TRMT1L: variants seen among roughly 807,000 people sequenced by gnomAD.
TRMT1L encodes tRNA methyltransferase 1L, also known as tRNA (guanine(27)-N(2))-dimethyltransferase.
Under a neutral mutation model 81.6 loss-of-function variants are expected in TRMT1L, and 28 were observed. The observed-to-expected ratio is 0.34, with a 90% CI of 0.25 to 0.47. TRMT1L has a LOEUF of 0.47. Ranked by LOEUF, TRMT1L falls within the 20% of genes least tolerant of loss-of-function variation. The pLI, the probability that TRMT1L is intolerant of heterozygous loss-of-function variation, is 1.00. For synonymous variants in TRMT1L, 301 were observed against 303.2 expected, an observed-to-expected ratio of 0.99 and a Z score of 0.07; for missense variants, 739 against 877.1, an observed-to-expected ratio of 0.84 and a Z score of 1.99.
chr1:185,124,821 A>T lies in TRMT1L; in HGVS notation c.1759+123T>A, dbSNP rs561844404. On this transcript the variant is annotated intron_variant, in intron 12 of 14. Transcript: ENST00000367506. ...CAGAGGATCAGACTCATTAGAGAAGATTTACTAAAAACACACTATTTATAA... is the reference window on the plus strand; with the variant it reads ...CAGAGGATCAGACTCATTAGAGAAGTTTTACTAAAAACACACTATTTATAA... 9.5e-5 allele frequency: 90 copies of T among 942,518 alleles called. No homozygotes were observed. The African/African-American group carries it at 1.5e-3, about 15-fold the overall frequency. The allele number at this position is 942,518 out of a possible 1,614,324, so 58.4% of individuals were successfully genotyped here.
At chr1:185,133,932 T>C (rs1416411827) in intron 10 of TRMT1L, among the ~76,000 whole-genome samples, 1 of 152,182 alleles carries the variant, frequency 6.6e-6, no homozygotes, top group East Asian at 1.9e-4. Context: ...ACAATATTTA[T>C]CTATTTATAA....
At chr1:185,128,599 A>C in intron 11 of TRMT1L, 70 bp downstream of exon 11, 2 of 1,423,836 alleles carry the variant, frequency 1.4e-6, no homozygotes, top group Admixed American at 1.7e-5. Context: ...ACCACACATA[A>C]TAAAAATCAG....
chr1:185,133,825 T>C (rs1208600630), intron 10 of TRMT1L, among the ~76,000 whole-genome samples: 1 of 152,150 alleles, frequency 6.6e-6, no homozygotes, highest in African/African-American at 2.4e-5. Flanking sequence ...GCTTAGATTC[T>C]CAACTCATAG....
intron 10 of TRMT1L, among the ~76,000 whole-genome samples, chr1:185,131,643 C>A (rs1000010247): frequency 4.0e-5 from 6 of 150,192 alleles, no homozygotes; most frequent in Non-Finnish European, 8.9e-5. Context: ...TAGAAATGAA[C>A]AAAATATGAC....
chr1:185,154,528 A>G (rs923956100), intron 1 of TRMT1L, among the ~76,000 whole-genome samples: 1 of 152,232 alleles, frequency 6.6e-6, no homozygotes, highest in African/African-American at 2.4e-5. Flanking sequence ...CATGTGTACA[A>G]ACTAACCTAT....
chr1:185,143,296 A>T (rs1349087304), intron 7 of TRMT1L, 61 bp downstream of exon 7: 3 of 1,443,554 alleles, frequency 2.1e-6, no homozygotes, highest in African/African-American at 2.9e-5. Flanking sequence ...ATATTTTCTA[A>T]GAAAAAATAC....
chr1:185,143,772 GA>G, intron 6 of TRMT1L, 133 bp downstream of exon 6: 1 of 799,516 alleles, frequency 1.3e-6, no homozygotes, highest in Non-Finnish European at 1.8e-6. Flanking sequence ...ATTCTTCTGA[GA>G]AAAATGTTAA....
intron 3 of TRMT1L, among the ~76,000 whole-genome samples, chr1:185,148,324 A>C (rs191934208): frequency 4.6e-4 from 70 of 152,150 alleles, no homozygotes; most frequent in African/African-American, 1.7e-3. Flanking sequence ...CTTCTTTCCC[A>C]CACTTGGTCC....
Position 185,140,193 on chromosome 1 carries a change from G to A in TRMT1L, c.889C>T (p.Leu297Phe), listed in dbSNP as rs775237107. 1.2e-6 allele frequency: 2 copies of A among 1,613,584 alleles called. No homozygotes were observed. The highest frequency in any genetic ancestry group is 1.1e-5 in the South Asian group (1 of 91,068). ...GIMGLQWAKH[L>F]GNAVKVTIND... Reference sequence around the variant, plus strand: ...ATTGTAACTTTGACTGCATTTCCAAGATGTTTTGCCCACTGTAATCCCATT... The same window carrying A: ...ATTGTAACTTTGACTGCATTTCCAAAATGTTTTGCCCACTGTAATCCCATT... Residue 297 changes from leucine to phenylalanine, a missense_variant, in exon 8 of 15, where the codon CTT becomes TTT. By Grantham distance (22) the Leu-to-Phe change is conservative. Coordinates refer to ENST00000367506, the MANE Select transcript of TRMT1L (RefSeq NM_030934.5).
chr1:185,122,248 C>T (rs771322273), intron 13 of TRMT1L, among the ~76,000 whole-genome samples: 3 of 152,222 alleles, frequency 2.0e-5, no homozygotes, highest in Middle Eastern at 3.4e-3. Context: ...GAACATATAA[C>T]GTATCTTTGA....
Position 185,156,930 on chromosome 1 carries a change from G to A in TRMT1L, c.-218C>T, listed in dbSNP as rs1222355046. On this transcript the variant is annotated 5_prime_UTR_variant, in exon 1 of 15. Transcript: ENST00000367506. ...AGGCAGCGATTCCAGATGCCCGTCC[G>A]CTTCCCTTTCCCCGAGGCGTTACGA... 10 of 630,684 alleles carry A rather than the reference G, an allele frequency of 1.6e-5. 1 individual carries two copies. The highest frequency in any genetic ancestry group is 8.4e-5 in the South Asian group (4 of 47,340). 39.1% of individuals were successfully genotyped at this position (630,684 alleles called of 1,614,324 possible). A position where few individuals can be genotyped will look rare whatever the true frequency, so the allele number is the denominator to read the frequency against.
At position 185,120,479 on chromosome 1, in the gene TRMT1L, T is replaced by G. The variant is rs756888660; in HGVS notation, c.1853A>C (p.Asn618Thr). ...GKRKSNEMIT[N>T]LGKKQKTDVS... ...ATCAGTCTTTTGCTTCTTGCCTAAA[T>G]TTGTGATCATTTCATTACTTTTTCT... Residue 618 changes from asparagine (N) to threonine (T), a missense_variant, in exon 14 of 15, where the codon AAT becomes ACT. Coordinates refer to ENST00000367506, the MANE Select transcript of TRMT1L (RefSeq NM_030934.5). 6.3e-7 allele frequency: 1 copy of G among 1,596,238 alleles called. No homozygotes were observed. The highest frequency in any genetic ancestry group is 1.8e-5 in the Admixed American group (1 of 55,892).
intron 10 of TRMT1L, 182 bp downstream of exon 10, chr1:185,137,424 T>C (rs778522347): frequency 7.0e-6 from 5 of 717,958 alleles, no homozygotes; most frequent in South Asian, 4.5e-5. Flanking sequence ...CATGAGTAAA[T>C]AACTTTAATA....
intron 3 of TRMT1L, 70 bp from the exon 4 acceptor site, chr1:185,147,316 G>T: frequency 2.5e-6 from 3 of 1,188,382 alleles, no homozygotes; most frequent in South Asian, 1.3e-5. Flanking sequence ...TTATAAGCAA[G>T]TTTTATTTTA....
intron 1 of TRMT1L, among the ~76,000 whole-genome samples, chr1:185,155,703 A>C (rs1653506667): frequency 6.6e-6 from 1 of 152,218 alleles, no homozygotes; most frequent in Non-Finnish European, 1.5e-5. Context: ...TACATTTTAA[A>C]ATGTTAGAAG....
intron 4 of TRMT1L, among the ~76,000 whole-genome samples, chr1:185,146,051 C>G (rs1653179037): frequency 6.6e-6 from 1 of 151,980 alleles, no homozygotes; most frequent in African/African-American, 2.4e-5. Flanking sequence ...TACACCATTA[C>G]AGAGCACTGC....
intron 4 of TRMT1L, among the ~76,000 whole-genome samples, chr1:185,145,994 T>G (rs1294523647): frequency 6.6e-6 from 1 of 151,990 alleles, no homozygotes; most frequent in African/African-American, 2.4e-5. Context: ...TTTTAAGCTA[T>G]CAATGTAACA....
intron 10 of TRMT1L, among the ~76,000 whole-genome samples, chr1:185,131,267 G>A (rs1202054970): frequency 6.6e-6 from 1 of 152,086 alleles, no homozygotes; most frequent in Non-Finnish European, 1.5e-5. Flanking sequence ...CCAAAGTGCT[G>A]GGATTACAGC....
In TRMT1L at chr1:185,120,456, C is replaced by T. The variant is rs1652471539; in HGVS notation, c.1876G>A (p.Asp626Asn). The change falls in exon 14 of 15, where the codon GAT becomes AAT. Residue 626 changes from aspartate to asparagine, a missense_variant. Physicochemically the swap from Asp to Asn is conservative, Grantham distance 23. Around this residue, in one of 4 missense-constraint regions of TRMT1L, gnomAD observed 196 missense variants for 232.6 expected, o/e 0.84. Coordinates refer to ENST00000367506, the MANE Select transcript of TRMT1L (RefSeq NM_030934.5). Reference protein sequence around the residue: ...ITNLGKKQKTDVSTEHPPFYY... With the variant: ...ITNLGKKQKTNVSTEHPPFYY... ...AAGGGAGGATGTTCAGTACTGACAT[C>T]AGTCTTTTGCTTCTTGCCTAAATTT... is the stretch of plus-strand genomic sequence containing the variant. 2 of 1,601,854 alleles carry T rather than the reference C, an allele frequency of 1.2e-6. No homozygotes were observed. The highest frequency in any genetic ancestry group is 1.1e-5 in the South Asian group (1 of 88,216).
Sources: allele counts gnomAD v4.1 joint callset (sites outside exome capture counted in the v4.1 genomes callset), GRCh38; gene constraint gnomAD v4.1.1; regional missense constraint gnomAD v4.1.1; transcripts MANE v1.5; gene names NCBI Gene and HGNC (gene_info 2026-07-23, HGNC 2026-07-21).